The following ALPK1 variants were observed in gnomAD, a reference collection of about 807,000 sequenced individuals.
ALPK1 encodes the protein alpha kinase 1.
ALPK1 carries 110 observed loss-of-function variants against 120.6 expected under a neutral mutation model. The ratio of observed to expected loss-of-function variants is 0.91; its 90% confidence interval spans 0.78 to 1.07. The LOEUF is 1.07. Ranked by LOEUF, ALPK1 falls within the 50% of genes least tolerant of loss-of-function variation. The probability of loss-of-function intolerance (pLI) is 0.00; values close to 1 mark genes in which losing one functional copy is unlikely to be tolerated. For missense variants in ALPK1, 1,498 were observed against 1,483.9 expected, an observed-to-expected ratio of 1.01 and a Z score of -0.16; for synonymous variants, 582 against 560.3, an observed-to-expected ratio of 1.04 and a Z score of -0.55.
At chr4:112,408,279 G>A (rs1230961956) in intron 4 of ALPK1, among the ~76,000 whole-genome samples, 1 of 152,172 alleles carries the variant, frequency 6.6e-6, no homozygotes, top group East Asian at 1.9e-4. Context: ...AAGGAAGGCT[G>A]TCAGTGGCAG....
intron 2 of ALPK1, among the ~76,000 whole-genome samples, chr4:112,326,438 T>C (rs1312375406): frequency 2.0e-5 from 3 of 152,184 alleles, no homozygotes; most frequent in Admixed American, 1.3e-4. Context: ...CATTTACATC[T>C]GTAGGTACTC....
At chr4:112,384,764 G>A (rs1347264259) in intron 4 of ALPK1, 1 of 152,200 alleles carries the variant, frequency 6.6e-6, no homozygotes, top group Non-Finnish European at 1.5e-5. Context: ...GAGACTGAAT[G>A]GGGATATAGT....
chr4:112,414,545 T>C (rs966022744), intron 5 of ALPK1: 5 of 296,382 alleles, frequency 1.7e-5, no homozygotes, highest in South Asian at 1.2e-4. Flanking sequence ...GAGGTGGAAG[T>C]TGCAGTGAGG....
intron 1 of ALPK1, among the ~76,000 whole-genome samples, chr4:112,311,699 C>T (rs1728407433): frequency 6.6e-6 from 1 of 152,234 alleles, no homozygotes. Flanking sequence ...CCACTCCCTC[C>T]TTCCGGCTAT....
rs552453375 is a variant in ALPK1, at chr4:112,422,090, A to G, written c.476-1854A>G. Among the ~76,000 whole-genome samples the G allele has an allele frequency of 1.2e-4, 19 of 152,312 alleles. No homozygotes were observed. In the East Asian group the frequency reaches 2.1e-3, roughly 17 times the overall value. ...AGGTCTGCTAAGTGACTAATGGGTG[A>G]TCATCGTAGATAGCATGGATCCGCT... is the stretch of plus-strand genomic sequence containing the variant. On this transcript the variant is annotated intron_variant, in intron 5 of 15. Coordinates refer to ENST00000650871, the MANE Select transcript of ALPK1 (RefSeq NM_025144.4).
chr4:112,413,368 C>T (rs1321854531), intron 5 of ALPK1, among the ~76,000 whole-genome samples: 2 of 152,184 alleles, frequency 1.3e-5, no homozygotes, highest in Admixed American at 6.6e-5. Context: ...TAAACAGGGA[C>T]GTTGACAGCT....
rs142772570 is a variant in ALPK1 at position 112,433,777 on chromosome 4, A to G, written c.3034+1196A>G. Among the ~76,000 whole-genome samples the G allele has an allele frequency of 3.3e-5, 5 of 152,322 alleles. No individual in the cohort carries two copies. The East Asian group carries it at 9.6e-4, about 29-fold the overall frequency. ...TTCCCAGAAGAGATAAACTACATGG[A>G]TCACTAAGCACTGGCTATTAAATAG... On this transcript the variant is annotated intron_variant, in intron 11 of 15. Coordinates refer to ENST00000650871, the MANE Select transcript of ALPK1 (RefSeq NM_025144.4).
intron 2 of ALPK1, among the ~76,000 whole-genome samples, chr4:112,346,561 G>C (rs1489418561): frequency 1.3e-5 from 2 of 152,198 alleles, no homozygotes; most frequent in Non-Finnish European, 2.9e-5. Flanking sequence ...TATGTGGATG[G>C]CCATCATATA....
At chr4:112,379,504 C>T (rs1277801127) in intron 3 of ALPK1, among the ~76,000 whole-genome samples, 1 of 152,258 alleles carries the variant, frequency 6.6e-6, no homozygotes, top group African/African-American at 2.4e-5. Flanking sequence ...CGTGTCCCAC[C>T]CGAGCCCACC....
chr4:112,389,001 A>T (rs957067777), intron 4 of ALPK1, among the ~76,000 whole-genome samples: 4 of 151,494 alleles, frequency 2.6e-5, no homozygotes, highest in South Asian at 2.1e-4. Context: ...CTTTATGGAC[A>T]GCTCTGTTCT....
In ALPK1 at chr4:112,431,557, C is replaced by A; in HGVS notation, c.2010C>A (p.Pro670=). 6.2e-7 allele frequency: 1 copy of A among 1,614,202 alleles called. No individual in the cohort carries two copies. Among genetic ancestry groups the A allele is most frequent in the Non-Finnish European group, 8.5e-7 (1 of 1,180,038 alleles). The change falls in exon 11 of 16, where the codon CCC becomes CCA. Residue 670 remains proline (P), a synonymous_variant. Coordinates refer to ENST00000650871, the MANE Select transcript of ALPK1 (RefSeq NM_025144.4). ...AAAATCAGCCACAGCAACAGATGCCCTTGACACCCTTCTCGCCTCATAATA... is the reference window on the plus strand; with the variant it reads ...AAAATCAGCCACAGCAACAGATGCCATTGACACCCTTCTCGCCTCATAATA... ...PSQNQPQQQM[P]LTPFSPHNTP...
chr4:112,433,790 G>A (rs900776194), intron 11 of ALPK1, among the ~76,000 whole-genome samples: 3 of 152,144 alleles, frequency 2.0e-5, no homozygotes, highest in Admixed American at 1.3e-4. Flanking sequence ...ACTAAGCACT[G>A]GCTATTAAAT....
intron 2 of ALPK1, among the ~76,000 whole-genome samples, chr4:112,318,064 A>C (rs927111242): frequency 1.3e-5 from 2 of 152,224 alleles, no homozygotes; most frequent in Non-Finnish European, 2.9e-5. Context: ...TGATATTTAT[A>C]CTAAGTGAGT....
Position 112,432,506 on chromosome 4 carries a change from G to T in ALPK1, c.2959G>T (p.Val987Leu). ...TGACTTTGAAAAGCTGTTGGCAGGA[G>T]TGAGGCATGATTGGCTGTTTCAGAG... Reference protein sequence around the residue: ...PDDFEKLLAGVRHDWLFQRLE... With the variant: ...PDDFEKLLAGLRHDWLFQRLE... The change falls in exon 11 of 16, where the codon GTG becomes TTG. Residue 987 changes from valine (V) to leucine (L), a missense_variant. By Grantham distance (32) the Val-to-Leu change is conservative. Transcript: ENST00000650871. 6.2e-7 allele frequency: 1 copy of T among 1,614,226 alleles called. No individual in the cohort carries two copies. The highest frequency in any genetic ancestry group is 8.5e-7 in the Non-Finnish European group (1 of 1,180,044).
chr4:112,374,972 A>G (rs757925883), intron 2 of ALPK1, among the ~76,000 whole-genome samples: 1 of 152,182 alleles, frequency 6.6e-6, no homozygotes, highest in African/African-American at 2.4e-5. Context: ...TCAGAACAGT[A>G]AATGAATACT....
chr4:112,344,285 C>T lies in ALPK1; in HGVS notation c.-101+28433C>T, dbSNP rs781686576. 3.0e-4 allele frequency among the ~76,000 whole-genome samples: 45 copies of T among 152,284 alleles called. No homozygotes were observed. In the Middle Eastern group the frequency reaches 0.017, roughly 58 times the overall value. ...TGGAGAAGACAGTGTGACAGGAGAG[C>T]ACGTTCCAGCCTGAACTGCTGCGAG... On this transcript the variant is annotated intron_variant, in intron 2 of 15. Coordinates refer to ENST00000650871, the MANE Select transcript of ALPK1 (RefSeq NM_025144.4).
chr4:112,327,872 G>T (rs1337753391), intron 2 of ALPK1, among the ~76,000 whole-genome samples: 1 of 152,160 alleles, frequency 6.6e-6, no homozygotes, highest in Admixed American at 6.5e-5. Context: ...TCCCTGAGTG[G>T]TAATGTAAAA....
intron 4 of ALPK1, among the ~76,000 whole-genome samples, chr4:112,394,494 C>A (rs561785768): frequency 1.3e-5 from 2 of 152,238 alleles, no homozygotes; most frequent in East Asian, 3.9e-4. Context: ...GAGAATGGAG[C>A]TTTGGAGGAA....
chr4:112,408,234 G>A (rs552844203), intron 4 of ALPK1, among the ~76,000 whole-genome samples: 4 of 152,176 alleles, frequency 2.6e-5, no homozygotes, highest in Non-Finnish European at 5.9e-5. Flanking sequence ...AAGCAGGGTG[G>A]CAGGAATAGT....
Sources: allele counts gnomAD v4.1 joint callset (sites outside exome capture counted in the v4.1 genomes callset), GRCh38; gene constraint gnomAD v4.1.1; transcripts MANE v1.5; gene names NCBI Gene and HGNC (gene_info 2026-07-23, HGNC 2026-07-21).